Variants in AFF3 observed in about 807,000 individuals in gnomAD.
AFF3 encodes the protein ALF transcription elongation factor 3.
AFF3 carries 32 observed loss-of-function variants against 129.7 expected under a neutral mutation model. The ratio of observed to expected loss-of-function variants is 0.25; its 90% confidence interval spans 0.19 to 0.33. The LOEUF is 0.33. AFF3 is among the 10% of genes least tolerant of loss of function. The probability of loss-of-function intolerance (pLI) is 1.00; values close to 1 mark genes in which losing one functional copy is unlikely to be tolerated. For synonymous variants in AFF3, 644 were observed against 635.4 expected (o/e 1.01, Z -0.20); for missense variants, 1,373 against 1,592.0 (o/e 0.86, Z 2.34).
chr2:99,733,854 T>C (rs971877846), intron 10 of AFF3, among the ~76,000 whole-genome samples: 3 of 152,220 alleles, frequency 2.0e-5, no homozygotes, highest in African/African-American at 4.8e-5. Flanking sequence ...TTTAAAAATA[T>C]TCGTAAGGCA....
intron 12 of AFF3, among the ~76,000 whole-genome samples, chr2:99,666,344 C>T (rs1001688407): frequency 5.9e-5 from 9 of 151,884 alleles, no homozygotes; most frequent in African/African-American, 1.9e-4. Context: ...ACAGTACCAG[C>T]GAACTGTTAT....
chr2:99,896,001 G>A (rs776765915), intron 7 of AFF3, among the ~76,000 whole-genome samples: 33 of 150,084 alleles, frequency 2.2e-4, no homozygotes, highest in African/African-American at 3.7e-4. Flanking sequence ...CCCAGGAGGC[G>A]GAGATTGCAG....
At chr2:100,096,213 T>C (rs1328682646) in intron 4 of AFF3, among the ~76,000 whole-genome samples, 1 of 152,122 alleles carries the variant, frequency 6.6e-6, no homozygotes, top group African/African-American at 2.4e-5. Context: ...TGTAAGACTA[T>C]ACAGTTACTC....
intron 7 of AFF3, among the ~76,000 whole-genome samples, chr2:99,864,067 T>C (rs953102594): frequency 5.3e-5 from 8 of 152,188 alleles, no homozygotes; most frequent in African/African-American, 1.9e-4. Context: ...AATTCACCAC[T>C]ACTGGCAACA....
chr2:99,649,917 G>A (rs1440110041), intron 12 of AFF3, among the ~76,000 whole-genome samples: 2 of 152,190 alleles, frequency 1.3e-5, no homozygotes, highest in Non-Finnish European at 2.9e-5. Flanking sequence ...TTTGTCGGGG[G>A]GGCAAAGGAC....
intron 8 of AFF3, among the ~76,000 whole-genome samples, chr2:99,799,453 AAAGAC>A (rs568237146): frequency 1.0e-3 from 158 of 152,174 alleles, no homozygotes; most frequent in African/African-American, 3.6e-3. Flanking sequence ...TGAAAGAAAA[AAAGAC>A]CCTTAACATT....
intron 11 of AFF3, among the ~76,000 whole-genome samples, chr2:99,684,175 C>T (rs1418828269): frequency 6.6e-6 from 1 of 152,242 alleles, no homozygotes; most frequent in Non-Finnish European, 1.5e-5. Flanking sequence ...CATTTAGTCT[C>T]TCCTTCCCCA....
chr2:99,737,848 C>G (rs75439626), intron 10 of AFF3, among the ~76,000 whole-genome samples: 85 of 152,006 alleles, frequency 5.6e-4, no homozygotes, highest in East Asian at 4.4e-3. Context: ...ATTTCTGTCT[C>G]TCTAGGCTGC....
intron 15 of AFF3, among the ~76,000 whole-genome samples, chr2:99,587,575 C>A (rs563548944): frequency 1.1e-4 from 16 of 152,316 alleles, no homozygotes; most frequent in Admixed American, 6.5e-5. Context: ...GGATTTAGCC[C>A]TCCAACTGGT....
At chr2:99,655,556 T>C (rs2105696218) in intron 12 of AFF3, among the ~76,000 whole-genome samples, 1 of 151,964 alleles carries the variant, frequency 6.6e-6, no homozygotes, top group South Asian at 2.1e-4. Context: ...GTTCGGCAAG[T>C]GGTAGGGACA....
chr2:99,985,415 A>G (rs951483035), intron 7 of AFF3, among the ~76,000 whole-genome samples: 2 of 152,172 alleles, frequency 1.3e-5, no homozygotes, highest in African/African-American at 4.8e-5. Context: ...TTGCTGCCTC[A>G]TTTATCTATG....
At chr2:99,852,358 A>C (rs970401097) in intron 7 of AFF3, among the ~76,000 whole-genome samples, 4 of 152,198 alleles carry the variant, frequency 2.6e-5, no homozygotes, top group Non-Finnish European at 5.9e-5. Context: ...AAAACAAAAC[A>C]AAACAAAAAA....
intron 11 of AFF3, among the ~76,000 whole-genome samples, chr2:99,713,308 C>T (rs1305607117): frequency 6.8e-6 from 1 of 146,694 alleles, no homozygotes; most frequent in Non-Finnish European, 1.5e-5. Flanking sequence ...CTCGCTCTGT[C>T]GCTAGGCTGC....
chr2:100,050,858 T>C (rs1559087827), intron 4 of AFF3, among the ~76,000 whole-genome samples: 1 of 152,174 alleles, frequency 6.6e-6, no homozygotes, highest in African/African-American at 2.4e-5. Context: ...CAACCTCTTC[T>C]GGGGATGCTG....
intron 3 of AFF3, 150 bp from the exon 4 acceptor site, chr2:100,104,668 C>T (rs1691085067): frequency 1.0e-6 from 1 of 976,394 alleles, no homozygotes; most frequent in Admixed American, 6.5e-5. Context: ...GCGCACTCAC[C>T]CGCTCCCCGG....
At chr2:100,084,067 T>C (rs1296488701) in intron 4 of AFF3, among the ~76,000 whole-genome samples, 1 of 152,238 alleles carries the variant, frequency 6.6e-6, no homozygotes, top group East Asian at 1.9e-4. Context: ...TCTCTCTCAC[T>C]GATTAAACTA....
At chr2:99,575,968 G>A (rs1676947424) in intron 18 of AFF3, among the ~76,000 whole-genome samples, 2 of 152,238 alleles carry the variant, frequency 1.3e-5, no homozygotes, top group South Asian at 2.1e-4. Flanking sequence ...CCTGCACTTT[G>A]GGAGGCTGGG....
At chr2:99,838,107 C>T (rs1377869154) in intron 7 of AFF3, among the ~76,000 whole-genome samples, 1 of 152,208 alleles carries the variant, frequency 6.6e-6, no homozygotes, top group Non-Finnish European at 1.5e-5. Flanking sequence ...GTCACTCAGC[C>T]TGCCCTGTGC....
chr2:99,761,314 T>C (rs1259674411), intron 8 of AFF3, among the ~76,000 whole-genome samples: 1 of 152,164 alleles, frequency 6.6e-6, no homozygotes, highest in Non-Finnish European at 1.5e-5. Flanking sequence ...CATAACTGGC[T>C]AACGTTTTCT....
Sources: allele counts gnomAD v4.1 joint callset (sites outside exome capture counted in the v4.1 genomes callset), GRCh38; gene constraint gnomAD v4.1.1; transcripts MANE v1.5; gene names NCBI Gene and HGNC (gene_info 2026-07-23, HGNC 2026-07-21).